The following NRG3 variants were observed in gnomAD, a reference collection of about 807,000 sequenced individuals.
NRG3 encodes neuregulin 3.
Under a neutral mutation model 66.9 loss-of-function variants are expected in NRG3, and 31 were observed. The ratio of observed to expected loss-of-function variants is 0.46; its 90% confidence interval spans 0.35 to 0.63. NRG3 has a LOEUF of 0.63. Ranked by LOEUF, NRG3 falls within the 20% of genes least tolerant of loss-of-function variation. NRG3 has a pLI of 0.00. For missense variants in NRG3, 910 were observed against 878.9 expected, an observed-to-expected ratio of 1.04 and a Z score of -0.45; for synonymous variants, 393 against 359.4, an observed-to-expected ratio of 1.09 and a Z score of -1.06.
intron 1 of NRG3, among the ~76,000 whole-genome samples, chr10:82,263,615 A>C (rs1397643374): frequency 1.3e-5 from 2 of 152,160 alleles, no homozygotes; most frequent in Admixed American, 6.5e-5. Flanking sequence ...ATACACACAC[A>C]CCACACACAC....
At chr10:82,515,957 G>A (rs1388958507) in intron 2 of NRG3, among the ~76,000 whole-genome samples, 1 of 152,120 alleles carries the variant, frequency 6.6e-6, no homozygotes, top group African/African-American at 2.4e-5. Flanking sequence ...TGCTTTCAGG[G>A]CCCAAACATC....
At chr10:82,147,006 G>A (rs1337862693) in intron 1 of NRG3, among the ~76,000 whole-genome samples, 3 of 152,210 alleles carry the variant, frequency 2.0e-5, no homozygotes, top group African/African-American at 7.2e-5. Context: ...TTTCACCCAG[G>A]TGGATGCCAG....
intron 1 of NRG3, among the ~76,000 whole-genome samples, chr10:82,083,093 AC>A (rs1460362432): frequency 2.6e-5 from 4 of 151,954 alleles, no homozygotes; most frequent in African/African-American, 9.7e-5. Flanking sequence ...AGTGTGAGCC[AC>A]CATACCTGGC....
At chr10:81,951,855 A>C (rs1849386628) in intron 1 of NRG3, among the ~76,000 whole-genome samples, 1 of 152,242 alleles carries the variant, frequency 6.6e-6, no homozygotes. Context: ...CACAATAGCA[A>C]AGACTTGGAA....
intron 2 of NRG3, among the ~76,000 whole-genome samples, chr10:82,392,892 A>AT (rs549023275): frequency 3.0e-3 from 361 of 122,162 alleles, no homozygotes; most frequent in African/African-American, 0.012. Context: ...ATATATATAT[A>AT]TATATATTTT....
chr10:82,070,257 C>A (rs977920496), intron 1 of NRG3, among the ~76,000 whole-genome samples: 1 of 152,028 alleles, frequency 6.6e-6, no homozygotes, highest in African/African-American at 2.4e-5. Flanking sequence ...ATTGAGGGGG[C>A]CTTTCATGAG....
At chr10:82,969,908 T>C (rs1450738809) in intron 6 of NRG3, among the ~76,000 whole-genome samples, 2 of 152,252 alleles carry the variant, frequency 1.3e-5, no homozygotes, top group Non-Finnish European at 2.9e-5. Context: ...TATATAAACA[T>C]AAATATATAC....
intron 1 of NRG3, among the ~76,000 whole-genome samples, chr10:82,141,582 C>T (rs2069787436): frequency 6.6e-6 from 1 of 152,086 alleles, no homozygotes; most frequent in Admixed American, 6.5e-5. Context: ...TATTATAGAA[C>T]TTTTCACTTC....
intron 1 of NRG3, among the ~76,000 whole-genome samples, chr10:82,098,885 T>C (rs1345690141): frequency 6.6e-6 from 1 of 152,174 alleles, no homozygotes; most frequent in Admixed American, 6.5e-5. Context: ...TGCCTCAGCC[T>C]CCCGAGTAGC....
At chr10:82,351,159 G>A (rs1589816691) in intron 1 of NRG3, among the ~76,000 whole-genome samples, 1 of 152,304 alleles carries the variant, frequency 6.6e-6, no homozygotes, top group East Asian at 1.9e-4. Flanking sequence ...CTCCCAAAGT[G>A]CTGGGATTAC....
At chr10:82,297,271 A>AT (rs5786546) in intron 1 of NRG3, among the ~76,000 whole-genome samples, 12,729 of 149,798 alleles carry the variant, frequency 0.085, 715 homozygotes, top group Non-Finnish European at 0.12. Flanking sequence ...TTGATAAAAC[A>AT]TTTTTTTTTT....
chr10:82,984,897 C>A lies in NRG3; in HGVS notation c.1584-201C>A, dbSNP rs934971146. 3.7e-6 allele frequency: 5 copies of A among 1,347,640 alleles called. No homozygotes were observed. The African/African-American group carries it at 7.2e-5, about 19-fold the overall frequency. 83.5% of individuals were successfully genotyped at this position (1,347,640 alleles called of 1,614,324 possible). A position where few individuals can be genotyped will look rare whatever the true frequency, so the allele number is the denominator to read the frequency against. ...TGAGTCTCAGTCTGTCACTTATTTT[C>A]TGTGTGACCTTGGGCAAGTCACTTC... is the stretch of plus-strand genomic sequence containing the variant. On this transcript the variant is annotated intron_variant, in intron 8 of 8. Coordinates refer to ENST00000372141, the MANE Select transcript of NRG3 (RefSeq NM_001010848.4).
Position 81,875,848 on chromosome 10 carries a change from G to A in NRG3, c.508G>A (p.Gly170Arg). Residue 170 changes from glycine to arginine, a missense_variant, in exon 1 of 9, where the codon GGG (glycine) becomes AGG (arginine). Coordinates refer to ENST00000372141, the MANE Select transcript of NRG3 (RefSeq NM_001010848.4). This position sits in a 1 kb window ranked among gnomAD's most constrained non-coding sequence, Gnocchi z 5.3. The part of the protein sequence containing the change: ...TITRAPTRFP[G>R]HRVPIRASPR... ...CACGCGGGCGCCCACTCGCTTCCCCGGGCACCGGGTGCCCATCCGGGCCAG... is the reference window on the plus strand; with the variant it reads ...CACGCGGGCGCCCACTCGCTTCCCCAGGCACCGGGTGCCCATCCGGGCCAG... 6.2e-7 allele frequency: 1 copy of A among 1,609,518 alleles called. No individual in the cohort carries two copies. The highest frequency in any genetic ancestry group is 8.5e-7 in the Non-Finnish European group (1 of 1,179,656).
At chr10:82,716,135 T>C (rs531976962) in intron 2 of NRG3, among the ~76,000 whole-genome samples, 9 of 152,196 alleles carry the variant, frequency 5.9e-5, no homozygotes, top group African/African-American at 1.9e-4. Context: ...TGCGATTCTG[T>C]AGAAATAATT....
At chr10:81,915,330 T>C (rs1845572466) in intron 1 of NRG3, among the ~76,000 whole-genome samples, 1 of 152,164 alleles carries the variant, frequency 6.6e-6, no homozygotes, top group Admixed American at 6.5e-5. Context: ...TGCTCGTGGT[T>C]GGTCAGCTGC....
At chr10:82,757,817 A>G (rs1229166144) in intron 3 of NRG3, among the ~76,000 whole-genome samples, 1 of 152,108 alleles carries the variant, frequency 6.6e-6, no homozygotes, top group Non-Finnish European at 1.5e-5. Flanking sequence ...TCTCACTCTA[A>G]TGGAATTTTT....
chr10:82,132,922 TC>T (rs1172107906), intron 1 of NRG3, among the ~76,000 whole-genome samples: 1 of 152,010 alleles, frequency 6.6e-6, no homozygotes, highest in Non-Finnish European at 1.5e-5. Flanking sequence ...TTATGACATA[TC>T]TTTTTCAATC....
intron 1 of NRG3, among the ~76,000 whole-genome samples, chr10:81,893,335 A>T (rs1435591098): frequency 6.6e-6 from 1 of 152,158 alleles, no homozygotes; most frequent in Non-Finnish European, 1.5e-5. Context: ...GATGATGTAT[A>T]TTTACATATT....
At chr10:81,879,152 G>A (rs567851315) in intron 1 of NRG3, among the ~76,000 whole-genome samples, 37 of 152,294 alleles carry the variant, frequency 2.4e-4, no homozygotes, top group African/African-American at 8.7e-4. Flanking sequence ...TTTCTTCAGC[G>A]TTCCTGGGAT....
Sources: allele counts gnomAD v4.1 joint callset (sites outside exome capture counted in the v4.1 genomes callset), GRCh38; gene constraint gnomAD v4.1.1; non-coding constraint Gnocchi (gnomAD v3.1); transcripts MANE v1.5; gene names NCBI Gene and HGNC (gene_info 2026-07-23, HGNC 2026-07-21).